The following CUL2 variants were observed in gnomAD, a reference collection of about 807,000 sequenced individuals.
CUL2 encodes cullin-2.
Under a neutral mutation model 110.2 loss-of-function variants are expected in CUL2, and 22 were observed. The observed-to-expected ratio is 0.20, with a 90% CI of 0.14 to 0.28. The LOEUF (loss-of-function observed/expected upper bound fraction) is 0.28, where lower values mean the gene tolerates loss of function less well. CUL2 is among the 10% of genes least tolerant of loss of function. The pLI is 1.00. For missense variants in CUL2, 631 were observed against 905.5 expected (o/e 0.70, Z 3.89); for synonymous variants, 279 against 293.2 (o/e 0.95, Z 0.49).
At chr10:35,113,475 G>T (rs2087548049) in intron 1 of CUL2, among the ~76,000 whole-genome samples, 1 of 113,668 alleles carries the variant, frequency 8.8e-6, no homozygotes, top group Non-Finnish European at 1.7e-5. Context: ...TCCAGCCTGG[G>T]TGACAAGAGC....
intron 5 of CUL2, among the ~76,000 whole-genome samples, chr10:35,051,535 C>A (rs577742942): frequency 1.3e-5 from 2 of 152,254 alleles, no homozygotes; most frequent in Admixed American, 6.5e-5. Flanking sequence ...ATGGCGTGAA[C>A]CGGCCGGGCG....
chr10:35,107,264 G>A (rs1176040792), intron 1 of CUL2, among the ~76,000 whole-genome samples: 2 of 151,684 alleles, frequency 1.3e-5, no homozygotes, highest in Non-Finnish European at 2.9e-5. Context: ...ATGAGCCACC[G>A]CGCCCAGCTG....
intron 18 of CUL2, among the ~76,000 whole-genome samples, chr10:35,015,934 T>C (rs2384280): frequency 0.15 from 22,959 of 152,148 alleles, 1,956 homozygotes; most frequent in East Asian, 0.24. Flanking sequence ...AGATGGCAAT[T>C]CTTTTACAAT....
chr10:35,097,138 TTA>T (rs1159994013), intron 2 of CUL2, among the ~76,000 whole-genome samples: 4 of 152,124 alleles, frequency 2.6e-5, no homozygotes, highest in African/African-American at 9.7e-5. Flanking sequence ...AAGGTTTACC[TTA>T]TCTTATGTAA....
chr10:35,086,652 C>CA (rs1423126393), intron 1 of CUL2, among the ~76,000 whole-genome samples: 1 of 152,082 alleles, frequency 6.6e-6, no homozygotes, highest in Non-Finnish European at 1.5e-5. Flanking sequence ...GCCTGGCCAA[C>CA]ATGGTGAAGC....
At chr10:35,034,279 G>C (rs2085561667) in intron 10 of CUL2, among the ~76,000 whole-genome samples, 2 of 152,056 alleles carry the variant, frequency 1.3e-5, no homozygotes, top group South Asian at 4.1e-4. Context: ...TAGTAAGTTT[G>C]ACAAATAATA....
chr10:35,049,348 T>C (rs1390546509), intron 6 of CUL2, among the ~76,000 whole-genome samples: 1 of 152,168 alleles, frequency 6.6e-6, no homozygotes, highest in Non-Finnish European at 1.5e-5. Flanking sequence ...ACAGGTAATA[T>C]GTACAAGCAA....
intron 1 of CUL2, among the ~76,000 whole-genome samples, chr10:35,081,686 G>C (rs995006210): frequency 6.6e-6 from 1 of 152,078 alleles, no homozygotes; most frequent in Non-Finnish European, 1.5e-5. Context: ...TTGAGCCCAG[G>C]AGTTCGCAGC....
chr10:35,071,230 C>A lies in CUL2; in HGVS notation c.88G>T (p.Val30Phe). ...TIKAVVMLEYVERATWNDRFS... is the reference protein window; with the variant it reads ...TIKAVVMLEYFERATWNDRFS... ...CGGTCATTCCATGTTGCTCTTTCGACGTATTCCAACATGACCACGGCTTTT... is the reference window on the plus strand; with the variant it reads ...CGGTCATTCCATGTTGCTCTTTCGAAGTATTCCAACATGACCACGGCTTTT... Residue 30 changes from valine to phenylalanine, a missense_variant, in exon 2 of 21, where the codon GTC (valine) becomes TTC (phenylalanine). This residue lies in a region of CUL2 where 338 missense variants were observed against 442.5 expected (regional missense o/e 0.76). Transcript: ENST00000374749. 6.2e-7 allele frequency: 1 copy of A among 1,614,088 alleles called. No homozygotes were observed. Among genetic ancestry groups the A allele is most frequent in the Non-Finnish European group, 8.5e-7 (1 of 1,179,974 alleles).
chr10:35,033,598 G>A (rs1343883874), intron 10 of CUL2, among the ~76,000 whole-genome samples: 2 of 151,806 alleles, frequency 1.3e-5, no homozygotes, highest in African/African-American at 2.4e-5. Flanking sequence ...TTAGCCAGAC[G>A]TGGTGGCGTC....
intron 20 of CUL2, among the ~76,000 whole-genome samples, chr10:35,010,968 T>A (rs1358936170): frequency 6.6e-6 from 1 of 152,228 alleles, no homozygotes; most frequent in Non-Finnish European, 1.5e-5. Flanking sequence ...AGTTATGGAA[T>A]GAATGAATAT....
rs2085472750 is a variant in CUL2, at chr10:35,031,228, T to G, written c.1386+72A>C. 1 of 929,802 alleles carries G rather than the reference T, an allele frequency of 1.1e-6. No homozygotes were observed. The highest frequency in any genetic ancestry group is 1.7e-5 in the African/African-American group (1 of 60,584). 57.6% of individuals were successfully genotyped at this position (929,802 alleles called of 1,614,324 possible). ...AATTGTTTCCTGTTACTGTACACAA[T>G]GCTGCAATGAACATCTTTATGTGCT... On this transcript the variant is annotated intron_variant, in intron 14 of 20. Coordinates refer to ENST00000374749, the MANE Select transcript of CUL2 (RefSeq NM_003591.4). The surrounding 1 kb of genome is among the most constrained non-coding windows in gnomAD (Gnocchi z 4.4).
intron 8 of CUL2, 36 bp from the exon 9 acceptor site, chr10:35,039,118 G>A (rs573786827): frequency 2.9e-6 from 4 of 1,363,228 alleles, no homozygotes; most frequent in African/African-American, 1.5e-5. Context: ...TGAACACAAA[G>A]TTTTACTATG....
chr10:35,061,938 C>T (rs1022565888), intron 3 of CUL2, among the ~76,000 whole-genome samples: 4 of 152,078 alleles, frequency 2.6e-5, no homozygotes, highest in Non-Finnish European at 5.9e-5. Context: ...GTATCTACTC[C>T]TGACCACGTG....
intron 15 of CUL2, 57 bp downstream of exon 15, chr10:35,029,431 T>A (rs534868779): frequency 8.4e-7 from 1 of 1,187,354 alleles, no homozygotes; most frequent in African/African-American, 1.6e-5. Flanking sequence ...TATGAATCAT[T>A]TGTATCAACG....
rs149246491 is a variant in CUL2 at position 35,100,123 on chromosome 10, A to G, written c.167+721T>C. ...GCCCGGTCTTGTACAGTCATTTAAT[A>G]TTTAATAAAATATTATATAAAATAA... On this transcript the variant is annotated intron_variant, in intron 2 of 5. Transcript: ENST00000685421. 2.8e-3 allele frequency among the ~76,000 whole-genome samples: 418 copies of G among 151,960 alleles called. 9 individuals are homozygous for G. Among genetic ancestry groups the G allele is most frequent in the Admixed American group, 0.025 (378 of 15,256 alleles).
At chr10:35,050,190 A>T (rs919860794) in intron 5 of CUL2, among the ~76,000 whole-genome samples, 1 of 152,026 alleles carries the variant, frequency 6.6e-6, no homozygotes, top group East Asian at 1.9e-4. Flanking sequence ...GTGTGGTGGC[A>T]TGCGCCTGTA....
intron 1 of CUL2, among the ~76,000 whole-genome samples, chr10:35,103,308 A>ATTTTTTTTTTTTTT (rs67257350): frequency 5.6e-4 from 53 of 94,558 alleles, no homozygotes; most frequent in Non-Finnish European, 6.5e-4. Flanking sequence ...GGCCAAGCTA[A>ATTTTTTTTTTTTTT]TTTTTTTTTT....
At chr10:35,121,220 G>A (rs1234841527) in intron 1 of CUL2, among the ~76,000 whole-genome samples, 1 of 152,094 alleles carries the variant, frequency 6.6e-6, no homozygotes, top group East Asian at 1.9e-4. Flanking sequence ...CCGGAAGATA[G>A]GCTTTATTTA....
Sources: gnomAD v4.1 joint callset for allele counts (sites outside exome capture counted in the v4.1 genomes callset) on GRCh38, gnomAD v4.1.1 for gene constraint, gnomAD v4.1.1 regional missense constraint, Gnocchi (gnomAD v3.1) non-coding constraint, MANE v1.5 for transcripts, NCBI Gene and HGNC (gene_info 2026-07-23, HGNC 2026-07-21) for gene names.